The following MGST1 variants were observed in gnomAD, a reference collection of about 807,000 sequenced individuals.
MGST1 encodes the protein microsomal glutathione S-transferase 1, also known as glutathione S-transferase 12.
In MGST1, 5 loss-of-function variants were observed where a neutral mutation model predicts 8.9. That is an observed-to-expected ratio of 0.56 (90% confidence interval 0.29 to 1.19). The LOEUF is 1.19. MGST1 is among the 50% of genes most tolerant of loss of function. The probability of loss-of-function intolerance (pLI) is 0.08; values close to 1 mark genes in which losing one functional copy is unlikely to be tolerated. For missense variants in MGST1, 182 were observed against 187.4 expected (o/e 0.97, Z 0.17); for synonymous variants, 54 against 67.8 (o/e 0.80, Z 1.00).
Position 16,586,540 on chromosome 12 carries a change from A to G in MGST1, n.483-2988A>G, listed in dbSNP as rs1222797897. Among the ~76,000 whole-genome samples, 1 of 152,162 alleles carries G rather than the reference A, an allele frequency of 6.6e-6. No individual in the cohort carries two copies. Among genetic ancestry groups the G allele is most frequent in the Non-Finnish European group, 1.5e-5 (1 of 68,032 alleles). On this transcript the variant is annotated intron_variant and non_coding_transcript_variant, in intron 4 of 4. Transcript: ENST00000538857. The surrounding 1 kb of genome is among the most constrained non-coding windows in gnomAD (Gnocchi z 4.3). ...AAAATCTGTTGTATAATATTGTCAG[A>G]TTCAGGCCAACTGAATTCTGGAGGA...
intron 4 of MGST1, among the ~76,000 whole-genome samples, chr12:16,569,877 T>A (rs556889076): frequency 6.6e-6 from 1 of 152,170 alleles, no homozygotes; most frequent in South Asian, 2.1e-4. Flanking sequence ...ATTTTAACTA[T>A]ATCTTTAAAG....
intron 4 of MGST1, among the ~76,000 whole-genome samples, chr12:16,528,531 G>A (rs1038869982): frequency 1.3e-5 from 2 of 151,962 alleles, no homozygotes; most frequent in Non-Finnish European, 2.9e-5. Flanking sequence ...ATGTATGTCT[G>A]TTGTCCCAGG....
intron 4 of MGST1, among the ~76,000 whole-genome samples, chr12:16,525,008 A>T (rs1941673763): frequency 7.2e-6 from 1 of 139,294 alleles, no homozygotes; most frequent in African/African-American, 2.7e-5. Flanking sequence ...AAATTTATTA[A>T]GAAGGGACCT....
In MGST1 at chr12:16,413,585, C is replaced by T. The variant is rs1342167855; in HGVS notation, n.779-23803C>T. 6.6e-6 allele frequency among the ~76,000 whole-genome samples: 1 copy of T among 152,150 alleles called. No individual in the cohort carries two copies. Among genetic ancestry groups the T allele is most frequent in the Non-Finnish European group, 1.5e-5 (1 of 68,026 alleles). On this transcript the variant is annotated intron_variant and non_coding_transcript_variant, in intron 1 of 1. Transcript: ENST00000359720. This position sits in a 1 kb window ranked among gnomAD's most constrained non-coding sequence, Gnocchi z 4.0. ...ACACCTGATTCCCTTTTATCCCCTCCCCAGGTCCAGTGAGTAAACTCTCAC... is the reference window on the plus strand; with the variant it reads ...ACACCTGATTCCCTTTTATCCCCTCTCCAGGTCCAGTGAGTAAACTCTCAC...
intron 4 of MGST1, among the ~76,000 whole-genome samples, chr12:16,459,263 G>A (rs934191391): frequency 3.3e-5 from 5 of 152,010 alleles, no homozygotes; most frequent in African/African-American, 9.7e-5. Context: ...CAAGAAGTGT[G>A]GGTATAATAA....
intron 1 of MGST1, among the ~76,000 whole-genome samples, chr12:16,429,476 C>A (rs970450130): frequency 1.4e-5 from 2 of 141,122 alleles, no homozygotes; most frequent in African/African-American, 2.6e-5. Flanking sequence ...TCAATCATAT[C>A]TTTTGATTCC....
chr12:16,456,102 T>G (rs766798940), intron 4 of MGST1, among the ~76,000 whole-genome samples: 15 of 152,008 alleles, frequency 9.9e-5, no homozygotes, highest in Non-Finnish European at 1.8e-4. Flanking sequence ...GAGTTTCTGT[T>G]ATATGCCTGA....
At chr12:16,459,785 T>C (rs1426269516) in intron 4 of MGST1, among the ~76,000 whole-genome samples, 1 of 152,084 alleles carries the variant, frequency 6.6e-6, no homozygotes. Flanking sequence ...TCTCATGACC[T>C]TGATATATAC....
chr12:16,490,294 A>G (rs1941430526), intron 4 of MGST1, among the ~76,000 whole-genome samples: 1 of 152,048 alleles, frequency 6.6e-6, no homozygotes. Context: ...TGTAAGATCC[A>G]TTGGTTGTGG....
At chr12:16,446,667 T>C (rs1941082841) in intron 4 of MGST1, among the ~76,000 whole-genome samples, 1 of 151,886 alleles carries the variant, frequency 6.6e-6, no homozygotes, top group South Asian at 2.1e-4. Flanking sequence ...TGATTCCATT[T>C]GTTCTGTGGC....
chr12:16,356,808 C>G (rs1939735204), intron 2 of MGST1, among the ~76,000 whole-genome samples: 1 of 152,236 alleles, frequency 6.6e-6, no homozygotes, highest in African/African-American at 2.4e-5. Flanking sequence ...AAGAGGTACA[C>G]ATGTTCTGAC....
chr12:16,367,259 G>T (rs902607811), downstream of MGST1: 3 of 152,198 alleles, frequency 2.0e-5, no homozygotes. Context: ...AAGGCTGAGA[G>T]ATCCTTGTTG....
rs964943598 is a variant in MGST1, at chr12:16,401,257, T to G, written n.778+17653T>G. The G allele has an allele frequency of 3.2e-5, 50 of 1,565,982 alleles. No individual in the cohort carries two copies. The Middle Eastern group carries it at 6.9e-4, about 22-fold the overall frequency. ...TTTCTCTTCTGGCTTTTTCCCCTCCTTGTTAGTCAGGTCTGAGAATCCCAA... is the reference window on the plus strand; with the variant it reads ...TTTCTCTTCTGGCTTTTTCCCCTCCGTGTTAGTCAGGTCTGAGAATCCCAA... On this transcript the variant is annotated intron_variant and non_coding_transcript_variant, in intron 1 of 1. Coordinates refer to the MGST1 transcript ENST00000359720. The surrounding 1 kb of genome is among the most constrained non-coding windows in gnomAD (Gnocchi z 4.3).
intron 4 of MGST1, among the ~76,000 whole-genome samples, chr12:16,505,405 G>A (rs1263952037): frequency 2.0e-5 from 3 of 152,110 alleles, no homozygotes; most frequent in African/African-American, 7.2e-5. Flanking sequence ...CCTTCAGCTT[G>A]TCAGGTTCTT....
intron 4 of MGST1, among the ~76,000 whole-genome samples, chr12:16,523,195 G>A (rs61374093): frequency 0.036 from 5,449 of 151,952 alleles, 322 homozygotes; most frequent in African/African-American, 0.12. Context: ...AACCACTTAC[G>A]GGTTTGATTG....
chr12:16,400,940 T>G, intron 1 of MGST1: 1 of 1,324,190 alleles, frequency 7.6e-7, no homozygotes, highest in Non-Finnish European at 1.1e-6. Context: ...TCCCTTTTGT[T>G]CAGTCAGTCA....
At chr12:16,524,302 C>T (rs1447015418) in intron 4 of MGST1, among the ~76,000 whole-genome samples, 1 of 151,826 alleles carries the variant, frequency 6.6e-6, no homozygotes, top group Non-Finnish European at 1.5e-5. Context: ...CATTAAAATA[C>T]TTTGGTTCAG....
At position 16,363,755 on chromosome 12, in the gene MGST1, T is replaced by C. The variant is rs761029796; in HGVS notation, c.222-40T>C. ...GAGAAAAAAGGATACATATCTAGTATTTTGAAATTAGTGTCTTTAATAGTT... is the reference window on the plus strand; with the variant it reads ...GAGAAAAAAGGATACATATCTAGTACTTTGAAATTAGTGTCTTTAATAGTT... On this transcript the variant is annotated intron_variant, in intron 3 of 3. Transcript: ENST00000396210. This position sits in a 1 kb window ranked among gnomAD's most constrained non-coding sequence, Gnocchi z 4.6. 2.7e-6 allele frequency: 4 copies of C among 1,494,754 alleles called. No individual in the cohort carries two copies. Among genetic ancestry groups the C allele is most frequent in the African/African-American group, 1.4e-5 (1 of 72,418 alleles). The allele number at this position is 1,494,754 out of a possible 1,614,324, so 92.6% of individuals were successfully genotyped here.
intron 4 of MGST1, among the ~76,000 whole-genome samples, chr12:16,461,958 G>A (rs545432653): frequency 1.1e-4 from 17 of 152,056 alleles, no homozygotes; most frequent in East Asian, 1.9e-4. Context: ...ACTGAATTCC[G>A]GATATACCTT....
Sources: allele counts gnomAD v4.1 joint callset (sites outside exome capture counted in the v4.1 genomes callset), GRCh38; gene constraint gnomAD v4.1.1; non-coding constraint Gnocchi (gnomAD v3.1); transcripts MANE v1.5; gene names NCBI Gene and HGNC (gene_info 2026-07-23, HGNC 2026-07-21).